IMPG1: variants seen among roughly 807,000 people sequenced by gnomAD.
IMPG1 encodes interphotoreceptor matrix proteoglycan of 150 kDa.
IMPG1 carries 85 observed loss-of-function variants against 92.0 expected under a neutral mutation model. That is an observed-to-expected ratio of 0.92 (90% CI 0.78 to 1.11). The LOEUF (loss-of-function observed/expected upper bound fraction) is 1.11. Ranked by LOEUF, IMPG1 falls within the 50% of genes least tolerant of loss-of-function variation. The probability of loss-of-function intolerance (pLI) is 0.00; values close to 1 mark genes in which losing one functional copy is unlikely to be tolerated. For missense variants in IMPG1, 1,022 were observed against 956.0 expected, an observed-to-expected ratio of 1.07 and a Z score of -0.91; for synonymous variants, 367 against 334.1, an observed-to-expected ratio of 1.10 and a Z score of -1.08.
chr6:76,021,583 C>T (rs1582109963), intron 6 of IMPG1, among the ~76,000 whole-genome samples: 2 of 151,922 alleles, frequency 1.3e-5, no homozygotes, highest in East Asian at 3.9e-4. Flanking sequence ...CTCCTCTTTG[C>T]CTTAGAACAC....
In IMPG1 at chr6:75,921,691, C is replaced by A; in HGVS notation, c.*398G>T. On this transcript the variant is annotated 3_prime_UTR_variant, in exon 17 of 17. Coordinates refer to ENST00000369950, the MANE Select transcript of IMPG1 (RefSeq NM_001563.4). ...CGTAAGTAGTCATCTTTTAAATGTA[C>A]TTTCTAGCATATAAAGAGTTTGCTT... The A allele has an allele frequency of 5.3e-6, 1 of 189,256 alleles. No homozygotes were observed. The highest frequency in any genetic ancestry group is 6.2e-5 in the Admixed American group (1 of 16,236). The allele number at this position is 189,256 out of a possible 1,614,324, so 11.7% of individuals were successfully genotyped here. A position where few individuals can be genotyped will look rare whatever the true frequency, so the allele number is the denominator to read the frequency against.
rs1456126567 is a variant in IMPG1 at position 76,011,178 on chromosome 6, A to G, written c.854T>C (p.Val285Ala). 6.5e-7 allele frequency: 1 copy of G among 1,534,850 alleles called. No individual in the cohort carries two copies. The highest frequency in any genetic ancestry group is 1.1e-5 in the South Asian group (1 of 88,752). Residue 285 changes from valine (V) to alanine (A), a missense_variant, in exon 8 of 17, where the codon GTG becomes GCG. This residue lies in a region of IMPG1 where 681 missense variants were observed against 583.6 expected (regional missense o/e 1.17). Coordinates refer to ENST00000369950, the MANE Select transcript of IMPG1 (RefSeq NM_001563.4). ...KKLPGFKKIH[V>A]LGFRPKKEKD... Reference sequence around the variant, plus strand: ...TTCTCTTACTTACCTAAATCCTAACACATGGATTTTTTTGAATCCTGGAAG... The same window carrying G: ...TTCTCTTACTTACCTAAATCCTAACGCATGGATTTTTTTGAATCCTGGAAG...
At chr6:76,032,856 G>A (rs976462626) in intron 4 of IMPG1, among the ~76,000 whole-genome samples, 5 of 152,074 alleles carry the variant, frequency 3.3e-5, no homozygotes, top group Non-Finnish European at 5.9e-5. Context: ...GGTGGCAGCC[G>A]CGGAATCATG....
chr6:76,005,450 A>T lies in IMPG1; in HGVS notation c.972T>A (p.Ser324=), dbSNP rs762886636. Residue 324 remains serine, a synonymous_variant, in exon 10 of 17, where the codon TCT becomes TCA. Coordinates refer to ENST00000369950, the MANE Select transcript of IMPG1 (RefSeq NM_001563.4). ...CACTTTCAATTTTGTTGGAATCAAA[A>T]GACAGGAGGTCACTTGCAGGGCTTT... ...EAKSPASDLL[S]FDSNKIESEE... is the part of the protein sequence containing the mutation. 7 of 1,614,064 alleles carry T rather than the reference A, an allele frequency of 4.3e-6. No individual in the cohort carries two copies. Among genetic ancestry groups the T allele is most frequent in the Non-Finnish European group, 2.5e-6 (3 of 1,179,970 alleles).
rs1055928297 is a variant in IMPG1, at chr6:75,966,213, TG to T, written c.1292-15120del. 7.9e-5 allele frequency among the ~76,000 whole-genome samples: 12 copies of T among 152,326 alleles called. 1 individual carries two copies. Among genetic ancestry groups the T allele is most frequent in the African/African-American group, 2.9e-4 (12 of 41,572 alleles). The stretch of plus-strand genomic sequence containing the variant: ...GAAAAGTACATTCATTTCATCTTCC[TG>T]GGGGTGGAAATCTACTTGAATTTTT... On this transcript the variant is annotated intron_variant, in intron 12 of 16. Transcript: ENST00000369950.
intron 7 of IMPG1, among the ~76,000 whole-genome samples, chr6:76,017,330 G>A (rs1326133775): frequency 1.3e-5 from 2 of 152,130 alleles, no homozygotes; most frequent in Admixed American, 6.6e-5. Context: ...AAAGGTCAGA[G>A]ATGGAAGAGA....
At chr6:76,024,291 T>A (rs1233659541) in intron 5 of IMPG1, among the ~76,000 whole-genome samples, 2 of 152,172 alleles carry the variant, frequency 1.3e-5, no homozygotes, top group East Asian at 1.9e-4. Flanking sequence ...TTTTAAGTCA[T>A]GAAAAATTAA....
Position 75,923,701 on chromosome 6 carries a change from G to A in IMPG1, c.2249C>T (p.Pro750Leu). 1 of 1,591,554 alleles carries A rather than the reference G, an allele frequency of 6.3e-7. No homozygotes were observed. The highest frequency in any genetic ancestry group is 1.3e-5 in the African/African-American group (1 of 74,644). Reference protein sequence around the residue: ...LQGKGAPCRLPDHSENQAYKT... With the variant: ...LQGKGAPCRLLDHSENQAYKT... ...GTATGCTTGATTTTCAGAGTGATCTGGCAACCTACAAAAGAAAGCAAAAAC... is the reference window on the plus strand; with the variant it reads ...GTATGCTTGATTTTCAGAGTGATCTAGCAACCTACAAAAGAAAGCAAAAAC... The change falls in exon 16 of 17, where the codon CCA (proline) becomes CTA (leucine). Residue 750 changes from proline (P) to leucine (L), a missense_variant. Pro to Leu is a moderately conservative substitution (Grantham distance 98). Transcript: ENST00000369950.
At chr6:76,028,983 T>C (rs1289498896) in intron 4 of IMPG1, among the ~76,000 whole-genome samples, 3 of 152,256 alleles carry the variant, frequency 2.0e-5, no homozygotes, top group African/African-American at 2.4e-5. Flanking sequence ...CATTTTTCTT[T>C]TGCAACAAGA....
chr6:76,046,423 G>A (rs1012993687), intron 1 of IMPG1, among the ~76,000 whole-genome samples: 1 of 152,182 alleles, frequency 6.6e-6, no homozygotes, highest in African/African-American at 2.4e-5. Context: ...GAAATGGAAA[G>A]TAATACATTT....
At chr6:76,011,407 G>C (rs1783182275) in intron 7 of IMPG1, among the ~76,000 whole-genome samples, 183 bp from the exon 8 acceptor site, 1 of 152,058 alleles carries the variant, frequency 6.6e-6, no homozygotes, top group African/African-American at 2.4e-5. Context: ...AAACAACTAA[G>C]GAGGCCAAAC....
intron 2 of IMPG1, among the ~76,000 whole-genome samples, chr6:76,035,632 A>C (rs1783730995): frequency 6.6e-6 from 1 of 152,112 alleles, no homozygotes; most frequent in Non-Finnish European, 1.5e-5. Context: ...CCAAGTGATG[A>C]GCAGGCACAC....
chr6:76,071,238 T>G (rs917574057), intron 1 of IMPG1, among the ~76,000 whole-genome samples: 23 of 149,244 alleles, frequency 1.5e-4, no homozygotes, highest in African/African-American at 5.1e-4. Flanking sequence ...TATATGAAAA[T>G]AGAAAAAATC....
In IMPG1 at chr6:75,978,871, C is replaced by T. The variant is rs1036750052; in HGVS notation, c.1291+24047G>A. Among the ~76,000 whole-genome samples the T allele has an allele frequency of 9.2e-5, 14 of 152,048 alleles. No homozygotes were observed. The South Asian group carries it at 1.0e-3, about 11-fold the overall frequency. On this transcript the variant is annotated intron_variant, in intron 12 of 16. Transcript: ENST00000369950. ...CCAATTTATAAGGTATTATTATCCC[C>T]GGTCTGCAGATAGACAAACTGTGGC...
chr6:76,006,367 T>G (rs1436318799), intron 9 of IMPG1, among the ~76,000 whole-genome samples: 3 of 148,284 alleles, frequency 2.0e-5, no homozygotes, highest in African/African-American at 7.3e-5. Context: ...CTATTATGCA[T>G]ATACACATAT....
intron 1 of IMPG1, among the ~76,000 whole-genome samples, chr6:76,052,310 A>G (rs1200802678): frequency 6.6e-6 from 1 of 152,226 alleles, no homozygotes; most frequent in Non-Finnish European, 1.5e-5. Context: ...AGGGCAGGGC[A>G]TATTGAGAAG....
chr6:76,034,439 C>T (rs1289061867), intron 3 of IMPG1, 96 bp from the exon 4 acceptor site: 2 of 1,280,354 alleles, frequency 1.6e-6, no homozygotes, highest in Admixed American at 1.8e-5. Context: ...TTAACCTACA[C>T]TTCAACCTGA....
chr6:76,043,710 G>T (rs1783885531), intron 1 of IMPG1, among the ~76,000 whole-genome samples: 1 of 152,162 alleles, frequency 6.6e-6, no homozygotes, highest in South Asian at 2.1e-4. Flanking sequence ...AAAGAATCAA[G>T]ATGGGTGCAT....
At chr6:76,027,227 G>A (rs1383219654) in intron 4 of IMPG1, among the ~76,000 whole-genome samples, 1 of 152,304 alleles carries the variant, frequency 6.6e-6, no homozygotes, top group Non-Finnish European at 1.5e-5. Context: ...TCAGATGCAA[G>A]GTTTGCTAAG....
Sources: allele counts gnomAD v4.1 joint callset (sites outside exome capture counted in the v4.1 genomes callset), GRCh38; gene constraint gnomAD v4.1.1; regional missense constraint gnomAD v4.1.1; transcripts MANE v1.5; gene names NCBI Gene and HGNC (gene_info 2026-07-23, HGNC 2026-07-21).